Variants in FNDC1 observed in about 807,000 individuals in gnomAD.
FNDC1 encodes fibronectin type III domain containing 1.
In FNDC1, 96 loss-of-function variants were observed where a neutral mutation model predicts 168.0. That is an observed-to-expected ratio of 0.57 (90% confidence interval 0.48 to 0.68). FNDC1 has a LOEUF of 0.68. Ranked by LOEUF, FNDC1 falls within the 30% of genes least tolerant of loss-of-function variation. FNDC1 has a pLI of 0.00. For synonymous variants in FNDC1, 1,099 were observed against 1,025.9 expected, an observed-to-expected ratio of 1.07 and a Z score of -1.36; for missense variants, 2,587 against 2,482.1, an observed-to-expected ratio of 1.04 and a Z score of -0.90.
chr6:159,210,784 C>T (rs1782586123), intron 4 of FNDC1, among the ~76,000 whole-genome samples: 1 of 152,190 alleles, frequency 6.6e-6, no homozygotes, highest in Non-Finnish European at 1.5e-5. Context: ...GTATGGCCAA[C>T]AAAGCTGATG....
At chr6:159,239,998 A>T in intron 14 of FNDC1, 41 bp downstream of exon 14, 4 of 1,448,612 alleles carry the variant, frequency 2.8e-6, no homozygotes. Flanking sequence ...TACCAGGCAC[A>T]CTAGCACGCC....
chr6:159,227,190 A>C lies in FNDC1; in HGVS notation c.1180+610A>C, dbSNP rs368688787. ...CTGTTGAGAATACTAAATAAACATG[A>C]AAATCTTTTATTTTTAATGTAAAAG... is the stretch of plus-strand genomic sequence containing the variant. On this transcript the variant is annotated intron_variant, in intron 9 of 22. Coordinates refer to ENST00000297267, the MANE Select transcript of FNDC1 (RefSeq NM_032532.3). Among the ~76,000 whole-genome samples, 5 of 152,340 alleles carry C rather than the reference A, an allele frequency of 3.3e-5. No individual in the cohort carries two copies. In the East Asian group the frequency reaches 7.7e-4, roughly 24 times the overall value.
At chr6:159,221,382 C>G (rs1355252221) in intron 5 of FNDC1, among the ~76,000 whole-genome samples, 3 of 152,024 alleles carry the variant, frequency 2.0e-5, no homozygotes. Flanking sequence ...AAATCAGTTC[C>G]CTATTTTCTA....
intron 1 of FNDC1, among the ~76,000 whole-genome samples, chr6:159,171,036 T>C (rs1263998969): frequency 6.6e-6 from 1 of 152,224 alleles, no homozygotes; most frequent in African/African-American, 2.4e-5. Context: ...TTTGTGGCGA[T>C]TCCAGCCTTC....
intron 22 of FNDC1, among the ~76,000 whole-genome samples, 188 bp downstream of exon 22, chr6:159,268,114 G>T (rs1777629032): frequency 6.6e-6 from 1 of 152,036 alleles, no homozygotes; most frequent in South Asian, 2.1e-4. Context: ...GGGTGAGGGG[G>T]TGAGTCTCAA....
At chr6:159,186,360 C>T (rs1301772434) in intron 1 of FNDC1, among the ~76,000 whole-genome samples, 1 of 152,194 alleles carries the variant, frequency 6.6e-6, no homozygotes. Context: ...TCTAGGCAAA[C>T]TTTGTCCATA....
chr6:159,178,828 C>T (rs951056560), intron 1 of FNDC1, among the ~76,000 whole-genome samples: 3 of 151,828 alleles, frequency 2.0e-5, no homozygotes, highest in South Asian at 2.1e-4. Flanking sequence ...TGGTCCAAGC[C>T]GTATTACCTG....
chr6:159,243,336 G>A (rs1783469262), intron 14 of FNDC1: 1 of 152,136 alleles, frequency 6.6e-6, no homozygotes, highest in South Asian at 2.1e-4. Context: ...CACCACAGCT[G>A]GGTCTCCAGA....
chr6:159,212,824 G>A (rs1056771492), intron 4 of FNDC1, among the ~76,000 whole-genome samples: 10 of 152,324 alleles, frequency 6.6e-5, no homozygotes, highest in Admixed American at 6.5e-4. Flanking sequence ...CATTAGAAGA[G>A]GTTGGGAGGT....
At chr6:159,200,310 ATACT>A (rs1157082543) in intron 3 of FNDC1, among the ~76,000 whole-genome samples, 199 bp from the exon 4 acceptor site, 1 of 152,238 alleles carries the variant, frequency 6.6e-6, no homozygotes, top group Non-Finnish European at 1.5e-5. Flanking sequence ...GATGTTTTGA[ATACT>A]TACTGAGTAA....
intron 1 of FNDC1, among the ~76,000 whole-genome samples, chr6:159,174,508 G>C (rs745791647): frequency 3.3e-5 from 5 of 152,264 alleles, no homozygotes; most frequent in African/African-American, 1.2e-4. Flanking sequence ...TGCAGCCCTA[G>C]TTGGACTTAG....
intron 18 of FNDC1, among the ~76,000 whole-genome samples, chr6:159,259,262 A>G (rs1251167858): frequency 6.6e-6 from 1 of 152,118 alleles, no homozygotes; most frequent in Non-Finnish European, 1.5e-5. Context: ...TTAATTTCAT[A>G]TTGTTTTTCA....
intron 17 of FNDC1, among the ~76,000 whole-genome samples, chr6:159,252,416 A>G (rs1229731930): frequency 6.6e-6 from 1 of 152,196 alleles, no homozygotes; most frequent in Admixed American, 6.5e-5. Flanking sequence ...CTTACAATGA[A>G]AAAATGTGTC....
intron 17 of FNDC1, among the ~76,000 whole-genome samples, chr6:159,255,348 T>C (rs1777351389): frequency 6.6e-6 from 1 of 152,176 alleles, no homozygotes. Context: ...GCTTATCTGC[T>C]TCTTATCCTT....
At chr6:159,207,979 A>G (rs1013611704) in intron 4 of FNDC1, among the ~76,000 whole-genome samples, 8 of 152,232 alleles carry the variant, frequency 5.3e-5, no homozygotes, top group South Asian at 2.1e-4. Flanking sequence ...TTAAGATTGG[A>G]AAAAGATTAT....
At chr6:159,189,100 G>A (rs1369015762) in intron 1 of FNDC1, among the ~76,000 whole-genome samples, 1 of 152,122 alleles carries the variant, frequency 6.6e-6, no homozygotes, top group Non-Finnish European at 1.5e-5. Context: ...CTAGCCCATC[G>A]GGGTCTGACT....
intron 12 of FNDC1, among the ~76,000 whole-genome samples, chr6:159,237,615 G>A (rs1047110881): frequency 1.3e-5 from 2 of 152,110 alleles, no homozygotes; most frequent in African/African-American, 4.8e-5. Context: ...ACAGCAAAAT[G>A]GAAAGATTTT....
intron 2 of FNDC1, among the ~76,000 whole-genome samples, chr6:159,198,429 C>A (rs2114946659): frequency 6.6e-6 from 1 of 152,308 alleles, no homozygotes; most frequent in Middle Eastern, 3.4e-3. Flanking sequence ...TACTCCTTCT[C>A]CACCTCCTGC....
At chr6:159,268,640 A>G (rs1038858200) in intron 22 of FNDC1, among the ~76,000 whole-genome samples, 1 of 151,918 alleles carries the variant, frequency 6.6e-6, no homozygotes, top group African/African-American at 2.4e-5. Flanking sequence ...CTATCTATCC[A>G]TCTATGTATG....
Sources: gnomAD v4.1 joint callset for allele counts (sites outside exome capture counted in the v4.1 genomes callset) on GRCh38, gnomAD v4.1.1 for gene constraint, MANE v1.5 for transcripts, NCBI Gene and HGNC (gene_info 2026-07-23, HGNC 2026-07-21) for gene names.